RASGRP4: variants seen among roughly 807,000 people sequenced by gnomAD.
The protein encoded by RASGRP4 is RAS guanyl releasing protein 4.
RASGRP4 carries 52 observed loss-of-function variants against 84.4 expected under a neutral mutation model. That is an observed-to-expected ratio of 0.62 (90% CI 0.49 to 0.78). The LOEUF is 0.78. RASGRP4 is among the 30% of genes least tolerant of loss of function. The pLI, the probability that RASGRP4 is intolerant of heterozygous loss-of-function variation, is 0.00. For missense variants in RASGRP4, 760 were observed against 886.9 expected (o/e 0.86, Z 1.82); for synonymous variants, 356 against 359.1 (o/e 0.99, Z 0.10).
At chr19:38,414,821 A>C (rs773833697) in intron 9 of RASGRP4, 27 bp downstream of exon 9, 25 of 1,557,058 alleles carry the variant, frequency 1.6e-5, no homozygotes, top group Non-Finnish European at 4.4e-6. Flanking sequence ...TTGGAAGCCC[A>C]GCCTGGGCGG....
intron 9 of RASGRP4, among the ~76,000 whole-genome samples, chr19:38,414,104 A>G (rs1425712011): frequency 2.7e-5 from 4 of 150,206 alleles, no homozygotes; most frequent in Non-Finnish European, 5.9e-5. Context: ...AATTTTTTGT[A>G]TTTTTAGTAG....
chr19:38,424,039 C>T (rs1568416967), intron 1 of RASGRP4, among the ~76,000 whole-genome samples: 2 of 152,076 alleles, frequency 1.3e-5, no homozygotes, highest in Admixed American at 6.6e-5. Context: ...GTGTTAGTCA[C>T]TTAATTTCTC....
intron 13 of RASGRP4, 82 bp from the exon 14 acceptor site, chr19:38,411,463 G>A: frequency 7.7e-7 from 1 of 1,300,766 alleles, no homozygotes; most frequent in East Asian, 2.5e-5. Context: ...GAGTGGAAGT[G>A]TGGAAGCTAC....
At position 38,422,124 on chromosome 19, in the gene RASGRP4, A is replaced by C; in HGVS notation, c.53T>G (p.Ile18Arg). The C allele has an allele frequency of 6.2e-7, 1 of 1,611,012 alleles. No individual in the cohort carries two copies. Among genetic ancestry groups the C allele is most frequent in the Non-Finnish European group, 8.5e-7 (1 of 1,178,826 alleles). ...TTGGCGGGGCCGGCCTCGCCCTCCTATTTTTCCGGTGCATTCCTGGTGGGA... is the reference window on the plus strand; with the variant it reads ...TTGGCGGGGCCGGCCTCGCCCTCCTCTTTTTCCGGTGCATTCCTGGTGGGA... The part of the protein sequence containing the change: ...RKSHQECTGK[I>R]GGRGRPRQVR... The change falls in exon 2 of 17, where the codon ATA (isoleucine) becomes AGA (arginine). Residue 18 changes from isoleucine to arginine, a missense_variant. By Grantham distance (97) the Ile-to-Arg change is moderately conservative. Coordinates refer to ENST00000615439, the MANE Select transcript of RASGRP4 (RefSeq NM_170604.3).
In RASGRP4 at chr19:38,409,935, G is replaced by T; in HGVS notation, c.*105C>A. On this transcript the variant is annotated 3_prime_UTR_variant, in exon 17 of 17. Coordinates refer to ENST00000615439, the MANE Select transcript of RASGRP4 (RefSeq NM_170604.3). ...CTAAAGGCAGTGTGGATGGGAAGGC[G>T]GATGCCTCTGGAGGCCTACCTCTGG... 1.3e-6 allele frequency: 1 copy of T among 780,638 alleles called. No individual in the cohort carries two copies. Among genetic ancestry groups the T allele is most frequent in the East Asian group, 2.7e-5 (1 of 36,926 alleles). 48.4% of individuals were successfully genotyped at this position (780,638 alleles called of 1,614,324 possible).
At chr19:38,414,383 A>G (rs1223561641) in intron 9 of RASGRP4, among the ~76,000 whole-genome samples, 1 of 149,550 alleles carries the variant, frequency 6.7e-6, no homozygotes, top group Non-Finnish European at 1.5e-5. Context: ...CAATGGCGCA[A>G]TGGCGCAATC....
rs1971281273 is a variant in RASGRP4, at chr19:38,412,087, TTGTTGTTGTTGTTGTTGTTGTTG to T, written c.1680+562_1680+584del. Reference sequence around the variant, plus strand: ...CCGGTTTGGAGATTATCCAGGTTTGTTGTTGTTGTTGTTGTTGTTGTTGTTGTTGTTGTTGTTGTTGTTGTTTT... The same window carrying T: ...CCGGTTTGGAGATTATCCAGGTTTGTTTGTTGTTGTTGTTGTTGTTGTTTT... On this transcript the variant is annotated intron_variant, in intron 13 of 16. Transcript: ENST00000615439. The surrounding 1 kb of genome is among the most constrained non-coding windows in gnomAD (Gnocchi z 4.6). Among the ~76,000 whole-genome samples, 3 of 71,902 alleles carry T rather than the reference TTGTTGTTGTTGTTGTTGTTGTTG, an allele frequency of 4.2e-5. No homozygotes were observed. The East Asian group carries it at 1.2e-3, about 28-fold the overall frequency. The allele number at this position is 71,902 out of a possible 152,430, so 47.2% of individuals were successfully genotyped here. A position where few individuals can be genotyped will look rare whatever the true frequency, so the allele number is the denominator to read the frequency against.
chr19:38,413,374 G>A lies in RASGRP4; in HGVS notation c.1311+20C>T, dbSNP rs1403582867. 21 of 1,607,888 alleles carry A rather than the reference G, an allele frequency of 1.3e-5. No homozygotes were observed. In the South Asian group the frequency reaches 2.2e-4, roughly 17 times the overall value. On this transcript the variant is annotated intron_variant, in intron 10 of 16. Transcript: ENST00000615439. This position sits in a 1 kb window ranked among gnomAD's most constrained non-coding sequence, Gnocchi z 4.7. ...GTTCGAGGTAATTGGGGGAGTCCGA[G>A]GCCAGGGGTTGGGTCTCACCAGGCT... is the stretch of plus-strand genomic sequence containing the variant.
intron 8 of RASGRP4, among the ~76,000 whole-genome samples, chr19:38,415,643 G>T (rs1251689786): frequency 1.3e-5 from 2 of 151,906 alleles, no homozygotes; most frequent in African/African-American, 4.8e-5. Flanking sequence ...AAAGTGTTGG[G>T]ATTACAGGCG....
intron 16 of RASGRP4, among the ~76,000 whole-genome samples, 191 bp downstream of exon 16, chr19:38,410,695 T>C (rs183312505): frequency 2.5e-4 from 38 of 152,288 alleles, no homozygotes; most frequent in African/African-American, 8.4e-4. Flanking sequence ...ATTACAAGCA[T>C]GAGCCACCAC....
At position 38,413,342 on chromosome 19, in the gene RASGRP4, A is replaced by AG. The variant is rs754869060; in HGVS notation, c.1312-46dup. ...GCACAGTTAGTCACTGCATAGGCTT[A>AG]GGGGGGGTTCGAGGTAATTGGGGGA... On this transcript the variant is annotated intron_variant, in intron 10 of 16. Coordinates refer to ENST00000615439, the MANE Select transcript of RASGRP4 (RefSeq NM_170604.3). This position sits in a 1 kb window ranked among gnomAD's most constrained non-coding sequence, Gnocchi z 4.7. The AG allele has an allele frequency of 3.8e-6, 6 of 1,599,776 alleles. No homozygotes were observed. Among genetic ancestry groups the AG allele is most frequent in the Non-Finnish European group, 4.3e-6 (5 of 1,168,380 alleles).
At chr19:38,421,848 G>C in intron 2 of RASGRP4, 121 bp downstream of exon 2, 1 of 699,936 alleles carries the variant, frequency 1.4e-6, no homozygotes, top group Non-Finnish European at 2.4e-6. Flanking sequence ...CTCTAATGTA[G>C]TGATTGAGTT....
At chr19:38,422,804 TA>T (rs1329324431) in intron 1 of RASGRP4, among the ~76,000 whole-genome samples, 2 of 152,088 alleles carry the variant, frequency 1.3e-5, no homozygotes, top group East Asian at 3.9e-4. Flanking sequence ...ATAATAAAAA[TA>T]AAGCACAGGA....
rs374941400 is a variant in RASGRP4 at position 38,421,738 on chromosome 19, A to C, written c.208+231T>G. ...AAAGAAAAAGAAAAGAAAAGAAAAA[A>C]GATTTATATAAATATATATAATATA... is the stretch of plus-strand genomic sequence containing the variant. On this transcript the variant is annotated intron_variant, in intron 2 of 16. Coordinates refer to ENST00000615439, the MANE Select transcript of RASGRP4 (RefSeq NM_170604.3). 3.6e-4 allele frequency among the ~76,000 whole-genome samples: 54 copies of C among 149,748 alleles called. 1 individual carries two copies. In the South Asian group the frequency reaches 7.9e-3, roughly 22 times the overall value.
chr19:38,411,096 G>C lies in RASGRP4; in HGVS notation c.1852+19C>G. On this transcript the variant is annotated intron_variant, in intron 15 of 16. Coordinates refer to ENST00000615439, the MANE Select transcript of RASGRP4 (RefSeq NM_170604.3). ...TTCCCCCAGGCCCCTTCCCAGCACC[G>C]GTGTGCTCTAGGTCTTACCACAGCT... is the stretch of plus-strand genomic sequence containing the variant. 1 of 1,610,854 alleles carries C rather than the reference G, an allele frequency of 6.2e-7. No homozygotes were observed. The highest frequency in any genetic ancestry group is 8.5e-7 in the Non-Finnish European group (1 of 1,177,744).
chr19:38,411,685 C>A, intron 13 of RASGRP4: 1 of 293,804 alleles, frequency 3.4e-6, no homozygotes. Flanking sequence ...TAGAGCAAGA[C>A]CCATCTCTTA....
intron 8 of RASGRP4, among the ~76,000 whole-genome samples, chr19:38,416,487 A>T (rs1971507403): frequency 6.7e-6 from 1 of 148,950 alleles, no homozygotes; most frequent in South Asian, 2.1e-4. Flanking sequence ...AAAAAAAAAA[A>T]AAATTTCTGG....
At position 38,411,329 on chromosome 19, in the gene RASGRP4, C is replaced by A; in HGVS notation, c.1717+16G>T. On this transcript the variant is annotated intron_variant, in intron 14 of 16. Coordinates refer to ENST00000615439, the MANE Select transcript of RASGRP4 (RefSeq NM_170604.3). ...CGGGCCAAGGCTTCCCTCCCACTCA[C>A]TGACACCCCACTCACCCCGACAGCG... 6.2e-7 allele frequency: 1 copy of A among 1,607,598 alleles called. No individual in the cohort carries two copies. The highest frequency in any genetic ancestry group is 8.5e-7 in the Non-Finnish European group (1 of 1,176,944).
intron 16 of RASGRP4, 32 bp downstream of exon 16, chr19:38,410,854 T>A: frequency 6.9e-7 from 1 of 1,457,840 alleles, no homozygotes; most frequent in Non-Finnish European, 9.5e-7. Flanking sequence ...GTCCCCTGTA[T>A]CCACTTGGGG....
Sources: allele counts gnomAD v4.1 joint callset (sites outside exome capture counted in the v4.1 genomes callset), GRCh38; gene constraint gnomAD v4.1.1; non-coding constraint Gnocchi (gnomAD v3.1); transcripts MANE v1.5; gene names NCBI Gene and HGNC (gene_info 2026-07-23, HGNC 2026-07-21).